Variants in SUCLG2 observed in about 807,000 individuals in gnomAD.
The protein encoded by SUCLG2 is succinate-CoA ligase GDP-forming subunit beta, also known as succinate--CoA ligase [GDP-forming] subunit beta, mitochondrial.
Under a neutral mutation model 47.9 loss-of-function variants are expected in SUCLG2, and 42 were observed. The ratio of observed to expected loss-of-function variants is 0.88; its 90% CI spans 0.69 to 1.14. The LOEUF (loss-of-function observed/expected upper bound fraction) is 1.14. Among genes scored for constraint, SUCLG2 ranks in the 50% most tolerant of loss-of-function variants. The pLI, the probability that SUCLG2 is intolerant of heterozygous loss-of-function variation, is 0.00. For missense variants in SUCLG2, 571 were observed against 525.9 expected (o/e 1.09, Z -0.84); for synonymous variants, 195 against 197.3 (o/e 0.99, Z 0.10).
intron 1 of SUCLG2, among the ~76,000 whole-genome samples, chr3:67,652,208 C>T (rs1216212815): frequency 6.7e-6 from 1 of 150,026 alleles, no homozygotes; most frequent in Non-Finnish European, 1.5e-5. Context: ...GAATATGTGT[C>T]AAATGTTAAA....
At chr3:67,505,738 G>C (rs1227082888) in intron 7 of SUCLG2, among the ~76,000 whole-genome samples, 2 of 152,172 alleles carry the variant, frequency 1.3e-5, no homozygotes, top group Non-Finnish European at 2.9e-5. Context: ...GAGGTGGGTG[G>C]ATCACCTGAG....
chr3:67,582,505 T>C (rs906570369), intron 2 of SUCLG2, among the ~76,000 whole-genome samples: 18 of 152,350 alleles, frequency 1.2e-4, no homozygotes, highest in African/African-American at 4.1e-4. Flanking sequence ...ATTTTCTTTA[T>C]CCGGTCTACC....
chr3:67,628,887 G>C (rs939333464), intron 1 of SUCLG2, among the ~76,000 whole-genome samples: 5 of 152,150 alleles, frequency 3.3e-5, no homozygotes, highest in African/African-American at 9.7e-5. Flanking sequence ...ATTATATATA[G>C]CAAGAACTGC....
rs375731239 is a variant in SUCLG2, at chr3:67,562,284, G to GT, written c.227-33099dup. ...GTTCTCCAATTCAGTTTTTTTGTTTGTTTTTTTTTTTGAGACAGAGTCTTG... is the reference window on the plus strand; with the variant it reads ...GTTCTCCAATTCAGTTTTTTTGTTTGTTTTTTTTTTTTGAGACAGAGTCTTG... On this transcript the variant is annotated intron_variant, in intron 2 of 10. Transcript: ENST00000307227. Among the ~76,000 whole-genome samples the GT allele has an allele frequency of 6.8e-3, 985 of 145,160 alleles. 3 individuals are homozygous for GT. Among genetic ancestry groups the GT allele is most frequent in the Non-Finnish European group, 9.2e-3 (605 of 65,458 alleles).
intron 9 of SUCLG2, among the ~76,000 whole-genome samples, chr3:67,413,280 T>C (rs904259010): frequency 6.6e-6 from 1 of 152,164 alleles, no homozygotes; most frequent in South Asian, 2.1e-4. Flanking sequence ...TTCAGTTTAT[T>C]AGCCACAAAC....
chr3:67,437,048 A>G (rs147279805), intron 9 of SUCLG2, among the ~76,000 whole-genome samples: 1 of 152,306 alleles, frequency 6.6e-6, no homozygotes, highest in African/African-American at 2.4e-5. Flanking sequence ...TAACACTTAA[A>G]CACATTGAGT....
chr3:67,379,352 T>A (rs776133303), intron 10 of SUCLG2, among the ~76,000 whole-genome samples: 2 of 152,164 alleles, frequency 1.3e-5, no homozygotes, highest in South Asian at 2.1e-4. Flanking sequence ...GACCTCCAGA[T>A]AGGTGCAGGA....
chr3:67,648,491 T>C (rs901357350), intron 1 of SUCLG2, among the ~76,000 whole-genome samples: 20 of 152,194 alleles, frequency 1.3e-4, no homozygotes, highest in Admixed American at 3.3e-4. Flanking sequence ...CTTAATAATT[T>C]AACAGCATAA....
chr3:67,437,882 T>C (rs1559526223), intron 9 of SUCLG2, among the ~76,000 whole-genome samples: 3 of 152,336 alleles, frequency 2.0e-5, no homozygotes, highest in African/African-American at 7.2e-5. Flanking sequence ...TGTAGTGTGA[T>C]GGTTTTAAGG....
chr3:67,380,463 T>C (rs1702132389), intron 10 of SUCLG2, among the ~76,000 whole-genome samples: 2 of 152,180 alleles, frequency 1.3e-5, no homozygotes, highest in South Asian at 4.1e-4. Flanking sequence ...AAATGCCTAA[T>C]TGCTTCATAA....
intron 2 of SUCLG2, among the ~76,000 whole-genome samples, chr3:67,554,088 G>A (rs979272701): frequency 1.6e-4 from 25 of 152,152 alleles, no homozygotes; most frequent in African/African-American, 6.0e-4. Flanking sequence ...CTCGGTCGGG[G>A]TAGGTGTGAT....
chr3:67,474,595 T>C (rs999985701), intron 9 of SUCLG2, among the ~76,000 whole-genome samples: 5 of 152,238 alleles, frequency 3.3e-5, no homozygotes, highest in African/African-American at 1.2e-4. Flanking sequence ...GAAGGGCTCA[T>C]GTAATTCTAA....
chr3:67,399,620 T>G (rs1036505458), intron 10 of SUCLG2, among the ~76,000 whole-genome samples: 16 of 130,972 alleles, frequency 1.2e-4, no homozygotes, highest in Non-Finnish European at 1.5e-4. Flanking sequence ...ACAAATGTGA[T>G]TTTTTTTATA....
chr3:67,520,038 C>A (rs1434230484), intron 5 of SUCLG2, among the ~76,000 whole-genome samples: 21 of 152,034 alleles, frequency 1.4e-4, no homozygotes, highest in Non-Finnish European at 1.5e-5. Flanking sequence ...TAGTTTACAT[C>A]AAGAGTACTG....
chr3:67,654,575 G>C lies in SUCLG2; in HGVS notation c.12C>G (p.Pro4=), dbSNP rs1406342724. ...GAAGCTTCCCGGCCTGCGCTGCTAC[G>C]GGGGACGCCATCTTAAACAGGAAAC... MAS[P]VAAQAGKLLR... is the part of the protein sequence containing the mutation. Residue 4 remains proline, a synonymous_variant, in exon 1 of 11, where the codon CCC becomes CCG. Transcript: ENST00000307227. The C allele has an allele frequency of 9.4e-6, 12 of 1,274,652 alleles. No homozygotes were observed. Among genetic ancestry groups the C allele is most frequent in the Non-Finnish European group, 1.2e-5 (12 of 1,007,848 alleles). The allele number at this position is 1,274,652 out of a possible 1,614,324, so 79.0% of individuals were successfully genotyped here. A position where few individuals can be genotyped will look rare whatever the true frequency, so the allele number is the denominator to read the frequency against.
chr3:67,629,761 T>C (rs2107349600), intron 1 of SUCLG2, among the ~76,000 whole-genome samples: 1 of 152,206 alleles, frequency 6.6e-6, no homozygotes. Context: ...CTCATTAGCA[T>C]AAAAACCCAG....
chr3:67,650,184 G>C (rs900442077), intron 1 of SUCLG2, among the ~76,000 whole-genome samples: 1 of 152,176 alleles, frequency 6.6e-6, no homozygotes, highest in Non-Finnish European at 1.5e-5. Flanking sequence ...TAGGCAAGAG[G>C]GAGATACAGG....
intron 2 of SUCLG2, among the ~76,000 whole-genome samples, chr3:67,606,931 G>A (rs1700429453): frequency 6.6e-6 from 1 of 152,116 alleles, no homozygotes; most frequent in Non-Finnish European, 1.5e-5. Flanking sequence ...GAAAGGGTCT[G>A]GTGTATTAGC....
At chr3:67,404,417 GAA>G (rs1224539032) in intron 9 of SUCLG2, among the ~76,000 whole-genome samples, 16 of 149,258 alleles carry the variant, frequency 1.1e-4, no homozygotes, top group Non-Finnish European at 1.8e-4. Context: ...AAGAGAGAGA[GAA>G]AGTGCAAAAA....
Sources: gnomAD v4.1 joint callset for allele counts (sites outside exome capture counted in the v4.1 genomes callset) on GRCh38, gnomAD v4.1.1 for gene constraint, MANE v1.5 for transcripts, NCBI Gene and HGNC (gene_info 2026-07-23, HGNC 2026-07-21) for gene names.